Variants in ST3GAL3 observed in about 807,000 individuals in gnomAD.
ST3GAL3 encodes the protein ST3 beta-galactoside alpha-2,3-sialyltransferase 3.
ST3GAL3 carries 21 observed loss-of-function variants against 50.1 expected under a neutral mutation model. That is an observed-to-expected ratio of 0.42 (90% confidence interval 0.30 to 0.60). The LOEUF (loss-of-function observed/expected upper bound fraction) is 0.60. Among genes scored for constraint, ST3GAL3 ranks in the 20% least tolerant of loss-of-function variants. The probability of loss-of-function intolerance (pLI) is 0.19; values close to 1 mark genes in which losing one functional copy is unlikely to be tolerated. For synonymous variants in ST3GAL3, 183 were observed against 190.0 expected (o/e 0.96, Z 0.30); for missense variants, 353 against 489.4 (o/e 0.72, Z 2.63).
chr1:43,741,287 C>T (rs1680832087), intron 2 of ST3GAL3, among the ~76,000 whole-genome samples: 2 of 152,154 alleles, frequency 1.3e-5, no homozygotes, highest in South Asian at 4.1e-4. Flanking sequence ...GAGCTGTGGT[C>T]ACGCCACTGT....
intron 2 of ST3GAL3, among the ~76,000 whole-genome samples, chr1:43,746,945 T>C (rs1683987121): frequency 6.6e-6 from 1 of 151,692 alleles, no homozygotes; most frequent in South Asian, 2.1e-4. Flanking sequence ...TTTGGTTGTT[T>C]AGTAGAGACG....
chr1:43,821,357 A>G (rs920565755), intron 4 of ST3GAL3, among the ~76,000 whole-genome samples: 1 of 152,290 alleles, frequency 6.6e-6, no homozygotes, highest in East Asian at 1.9e-4. Context: ...AGTATAGATG[A>G]AAGAGCAGCC....
At chr1:43,824,658 T>TGTG in intron 4 of ST3GAL3, 2 of 1,603,084 alleles carry the variant, frequency 1.2e-6, no homozygotes, top group Non-Finnish European at 1.7e-6. Flanking sequence ...CACAGCCCAC[T>TGTG]GTTCAAAGAC....
At chr1:43,710,757 G>A (rs1364770835) in intron 1 of ST3GAL3, among the ~76,000 whole-genome samples, 1 of 152,108 alleles carries the variant, frequency 6.6e-6, no homozygotes, top group Non-Finnish European at 1.5e-5. Context: ...ATGTTTCAGG[G>A]CCATTTGATA....
At chr1:43,838,623 C>A (rs1218109930) in intron 5 of ST3GAL3, 1 of 369,352 alleles carries the variant, frequency 2.7e-6, no homozygotes, top group Non-Finnish European at 5.2e-6. Flanking sequence ...CACAGAAGCT[C>A]CTAGACCTAG....
intron 5 of ST3GAL3, chr1:43,840,030 C>CG (rs2065102704): frequency 7.1e-6 from 1 of 141,368 alleles, no homozygotes; most frequent in Non-Finnish European, 1.6e-5. Flanking sequence ...TTTTCCCTTC[C>CG]TTTTTTTTTT....
intron 1 of ST3GAL3, among the ~76,000 whole-genome samples, chr1:43,729,303 C>G (rs965142336): frequency 2.0e-5 from 3 of 152,106 alleles, no homozygotes; most frequent in Admixed American, 6.5e-5. Context: ...TGGTCTCAAA[C>G]TCTTGGGCTC....
chr1:43,798,767 T>G (rs1425824633), intron 3 of ST3GAL3, among the ~76,000 whole-genome samples: 1 of 152,214 alleles, frequency 6.6e-6, no homozygotes, highest in Non-Finnish European at 1.5e-5. Context: ...TCTCCCCTAC[T>G]AAAATGTAGG....
At chr1:43,769,002 C>A (rs374826705) in intron 2 of ST3GAL3, among the ~76,000 whole-genome samples, 16 of 152,154 alleles carry the variant, frequency 1.1e-4, no homozygotes, top group African/African-American at 3.6e-4. Context: ...AAATCCTCAA[C>A]AGACATTTAG....
At chr1:43,712,987 T>A (rs570414035) in intron 1 of ST3GAL3, among the ~76,000 whole-genome samples, 1 of 152,364 alleles carries the variant, frequency 6.6e-6, no homozygotes, top group South Asian at 2.1e-4. Context: ...CAGCTTTGCC[T>A]TTCAGGAACA....
At chr1:43,922,038 C>T (rs1284087152) in intron 11 of ST3GAL3, 5 of 299,488 alleles carry the variant, frequency 1.7e-5, no homozygotes, top group African/African-American at 1.1e-4. Flanking sequence ...CTCACATTCT[C>T]TTTCTCAGCA....
At chr1:43,902,998 G>C (rs1333343895) in intron 9 of ST3GAL3, among the ~76,000 whole-genome samples, 1 of 152,194 alleles carries the variant, frequency 6.6e-6, no homozygotes, top group East Asian at 1.9e-4. Flanking sequence ...GCAGCTCTGG[G>C]GCAGGTGGGG....
intron 1 of ST3GAL3, among the ~76,000 whole-genome samples, chr1:43,732,029 A>T (rs1322764042): frequency 6.6e-6 from 1 of 152,170 alleles, no homozygotes; most frequent in Admixed American, 6.5e-5. Context: ...TGTTGCCAGT[A>T]TGGGGCCATA....
At chr1:43,889,651 C>T (rs1026380855) in intron 5 of ST3GAL3, among the ~76,000 whole-genome samples, 1 of 152,060 alleles carries the variant, frequency 6.6e-6, no homozygotes, top group Non-Finnish European at 1.5e-5. Context: ...TTTTCTGAAA[C>T]CATTATATAC....
chr1:43,833,516 A>G (rs1386643592), intron 4 of ST3GAL3, among the ~76,000 whole-genome samples: 1 of 152,136 alleles, frequency 6.6e-6, no homozygotes, highest in African/African-American at 2.4e-5. Flanking sequence ...CTTTCTCAGC[A>G]TAACTCTTAA....
chr1:43,757,154 C>T (rs1688439179), intron 2 of ST3GAL3, among the ~76,000 whole-genome samples: 1 of 152,158 alleles, frequency 6.6e-6, no homozygotes, highest in African/African-American at 2.4e-5. Context: ...ATCCGCCTAC[C>T]TCAGCCTCTC....
intron 5 of ST3GAL3, among the ~76,000 whole-genome samples, chr1:43,843,226 C>A (rs932613030): frequency 3.9e-5 from 6 of 152,140 alleles, no homozygotes; most frequent in Non-Finnish European, 7.3e-5. Context: ...TCATAGATAC[C>A]ATTTTTTAGG....
chr1:43,926,431 A>G (rs1319187959), intron 11 of ST3GAL3, among the ~76,000 whole-genome samples: 2 of 152,094 alleles, frequency 1.3e-5, no homozygotes, highest in African/African-American at 4.8e-5. Flanking sequence ...CTCTACTGAA[A>G]ATACAAAATT....
intron 4 of ST3GAL3, among the ~76,000 whole-genome samples, chr1:43,825,714 A>G (rs2062708037): frequency 6.6e-6 from 1 of 152,158 alleles, no homozygotes; most frequent in Admixed American, 6.5e-5. Context: ...GTAGTGACAT[A>G]ATCAGTTTTG....
Sources: gnomAD v4.1 joint callset for allele counts (sites outside exome capture counted in the v4.1 genomes callset) on GRCh38, gnomAD v4.1.1 for gene constraint, MANE v1.5 for transcripts, NCBI Gene and HGNC (gene_info 2026-07-23, HGNC 2026-07-21) for gene names.